Variants in CFAP96 observed in about 807,000 individuals in gnomAD.
The protein encoded by CFAP96 is cilia and flagella associated protein 96, also known as cilia-and flagella-associated protein 96.
the CFAP96 span, chr4:185,408,540 C>T: frequency 5.2e-6 from 6 of 1,159,934 alleles, no homozygotes; most frequent in Non-Finnish European, 7.2e-6. Context: ...TAGACTGTTA[C>T]TTTAGTTCCT....
the CFAP96 span, among the ~76,000 whole-genome samples, chr4:185,410,400 A>G: frequency 6.6e-6 from 1 of 152,220 alleles, no homozygotes; most frequent in Admixed American, 6.5e-5. Context: ...CTGTAATCCC[A>G]GCACTTTGGG....
the CFAP96 span, chr4:185,445,514 G>C: frequency 1.3e-5 from 21 of 1,579,270 alleles, no homozygotes; most frequent in Admixed American, 1.7e-5. Flanking sequence ...AATGATGCTT[G>C]AGAGTTCTGT....
chr4:185,414,703 C>A, the CFAP96 span, among the ~76,000 whole-genome samples: 1 of 152,182 alleles, frequency 6.6e-6, no homozygotes, highest in Non-Finnish European at 1.5e-5. Flanking sequence ...CAAAATTCCT[C>A]TAATAAAGCC....
chr4:185,432,248 A>G, the CFAP96 span: 1 of 1,332,774 alleles, frequency 7.5e-7, no homozygotes, highest in African/African-American at 1.5e-5. Flanking sequence ...CTGTACCTTT[A>G]TCCCTAAATT....
chr4:185,420,715 T>TA, the CFAP96 span, among the ~76,000 whole-genome samples: 4 of 152,034 alleles, frequency 2.6e-5, no homozygotes, highest in Admixed American at 6.6e-5. Context: ...TAAAGTTACC[T>TA]AAAAAAAACT....
chr4:185,443,342 A>ATATTTTTTTTTTTT, the CFAP96 span, among the ~76,000 whole-genome samples: 8 of 26,722 alleles, frequency 3.0e-4, no homozygotes, highest in Non-Finnish European at 5.2e-4. Context: ...ATATATATAT[A>ATATTTTTTTTTTTT]TTTTTTTTTT....
At chr4:185,409,582 G>T in the CFAP96 span, among the ~76,000 whole-genome samples, 1 of 152,186 alleles carries the variant, frequency 6.6e-6, no homozygotes, top group Non-Finnish European at 1.5e-5. Flanking sequence ...TATATATTCT[G>T]CCCAAGCACA....
At chr4:185,441,825 C>T in the CFAP96 span, among the ~76,000 whole-genome samples, 3 of 151,664 alleles carry the variant, frequency 2.0e-5, no homozygotes, top group Non-Finnish European at 2.9e-5. Flanking sequence ...TGAAATGTTC[C>T]GTATCTTAAT....
At chr4:185,440,006 T>TATG in the CFAP96 span, among the ~76,000 whole-genome samples, 1 of 32,386 alleles carries the variant, frequency 3.1e-5, no homozygotes, top group South Asian at 2.2e-3. Flanking sequence ...ACATATGAGA[T>TATG]ATAGATAATC....
At chr4:185,440,633 T>G in the CFAP96 span, 1 of 1,525,296 alleles carries the variant, frequency 6.6e-7, no homozygotes, top group African/African-American at 1.4e-5. Flanking sequence ...TCCTTATTTT[T>G]CTGAGGAATC....
the CFAP96 span, chr4:185,415,266 T>A: frequency 1.2e-6 from 2 of 1,602,524 alleles, no homozygotes; most frequent in African/African-American, 2.7e-5. Context: ...CCACAATAGA[T>A]GTTCCTTTCA....
chr4:185,430,882 A>G, the CFAP96 span, among the ~76,000 whole-genome samples: 2 of 150,852 alleles, frequency 1.3e-5, no homozygotes, highest in East Asian at 3.9e-4. Context: ...TGGGTGCCAG[A>G]AGGAGACCTT....
At chr4:185,416,786 A>C in the CFAP96 span, among the ~76,000 whole-genome samples, 1 of 152,194 alleles carries the variant, frequency 6.6e-6, no homozygotes, top group Non-Finnish European at 1.5e-5. Flanking sequence ...TATTGGCCAA[A>C]TCTTGGAAAA....
At chr4:185,447,248 C>G in the CFAP96 span, among the ~76,000 whole-genome samples, 1 of 151,114 alleles carries the variant, frequency 6.6e-6, no homozygotes, top group Admixed American at 6.6e-5. Flanking sequence ...GTGGCACGAT[C>G]TCGGCTCACT....
chr4:185,434,181 T>G, the CFAP96 span, among the ~76,000 whole-genome samples: 2 of 151,358 alleles, frequency 1.3e-5, no homozygotes, highest in Non-Finnish European at 2.9e-5. Flanking sequence ...ACTGCACCAC[T>G]GCACTGCACT....
At chr4:185,429,023 A>C in the CFAP96 span, among the ~76,000 whole-genome samples, 3 of 152,268 alleles carry the variant, frequency 2.0e-5, no homozygotes, top group South Asian at 6.2e-4. Context: ...GGATTTGTTT[A>C]TAATACACCG....
the CFAP96 span, among the ~76,000 whole-genome samples, chr4:185,412,136 A>T: frequency 6.6e-6 from 1 of 152,222 alleles, no homozygotes; most frequent in East Asian, 1.9e-4. Context: ...TACAATTTGC[A>T]TATGTTATAT....
the CFAP96 span, among the ~76,000 whole-genome samples, chr4:185,448,962 CTT>C: frequency 0.14 from 20,637 of 152,068 alleles, 1,938 homozygotes; most frequent in African/African-American, 0.27. Flanking sequence ...ATTGAAATCT[CTT>C]TCTTTTTATA....
the CFAP96 span, chr4:185,415,425 C>T: frequency 7.8e-7 from 1 of 1,284,754 alleles, no homozygotes; most frequent in South Asian, 1.7e-5. Flanking sequence ...CTAATATATC[C>T]TTAGTATAGT....
Sources: allele counts gnomAD v4.1 joint callset (sites outside exome capture counted in the v4.1 genomes callset), GRCh38; gene constraint gnomAD v4.1.1; transcripts MANE v1.5; gene names NCBI Gene and HGNC (gene_info 2026-07-23, HGNC 2026-07-21).